The following HSD11B1 variants were observed in gnomAD, a reference collection of about 807,000 sequenced individuals.
HSD11B1 encodes the protein hydroxysteroid 11-beta dehydrogenase 1.
HSD11B1 carries 15 observed loss-of-function variants against 22.1 expected under a neutral mutation model. The ratio of observed to expected loss-of-function variants is 0.68; its 90% confidence interval spans 0.45 to 1.04. The LOEUF (loss-of-function observed/expected upper bound fraction) is 1.04, where lower values mean the gene tolerates loss of function less well. Ranked by LOEUF, HSD11B1 falls within the 50% of genes least tolerant of loss-of-function variation. The pLI, the probability that HSD11B1 is intolerant of heterozygous loss-of-function variation, is 0.00. For synonymous variants in HSD11B1, 122 were observed against 125.2 expected (o/e 0.97, Z 0.17); for missense variants, 281 against 357.6 (o/e 0.79, Z 1.73).
chr1:209,712,351 A>AT (rs1274161110), intron 4 of HSD11B1, among the ~76,000 whole-genome samples: 3 of 152,222 alleles, frequency 2.0e-5, no homozygotes, highest in Non-Finnish European at 2.9e-5. Flanking sequence ...TCAAAAAAAA[A>AT]TGGGGGGAAA....
chr1:209,689,551 G>A (rs1215056150), intron 1 of HSD11B1, among the ~76,000 whole-genome samples: 7 of 152,314 alleles, frequency 4.6e-5, no homozygotes, highest in East Asian at 3.9e-4. Context: ...TGTTTGAGTC[G>A]TGGGGGTGAA....
At chr1:209,705,703 A>G in intron 1 of HSD11B1, 108 bp from the exon 2 acceptor site, 1 of 1,389,892 alleles carries the variant, frequency 7.2e-7, no homozygotes, top group East Asian at 2.3e-5. Context: ...ATCTGGGCTC[A>G]TAACCTTTAA....
At chr1:209,707,854 A>T (rs1170062939) in intron 4 of HSD11B1, among the ~76,000 whole-genome samples, 1 of 152,202 alleles carries the variant, frequency 6.6e-6, no homozygotes, top group Non-Finnish European at 1.5e-5. Flanking sequence ...ACAACTGAGA[A>T]GTTAACTGTT....
chr1:209,699,166 C>G (rs767433100), intron 1 of HSD11B1, among the ~76,000 whole-genome samples: 5 of 151,210 alleles, frequency 3.3e-5, no homozygotes, highest in Non-Finnish European at 7.4e-5. Flanking sequence ...AATGATAGTT[C>G]TTTCTATAGA....
intron 1 of HSD11B1, among the ~76,000 whole-genome samples, chr1:209,692,427 G>A (rs961300820): frequency 6.6e-6 from 1 of 152,124 alleles, no homozygotes; most frequent in Non-Finnish European, 1.5e-5. Context: ...CAAAGAGCAG[G>A]ATGGTGACTG....
chr1:209,703,348 G>A (rs2076835976), upstream of HSD11B1, among the ~76,000 whole-genome samples: 1 of 152,106 alleles, frequency 6.6e-6, no homozygotes, highest in Non-Finnish European at 1.5e-5. Flanking sequence ...CTCTAGGGAT[G>A]AAAATGGAGT....
At chr1:209,705,594 A>T (rs2076852766) in intron 1 of HSD11B1, among the ~76,000 whole-genome samples, 1 of 152,180 alleles carries the variant, frequency 6.6e-6, no homozygotes, top group South Asian at 2.1e-4. Context: ...TTTAGAAATG[A>T]CAGTAGGGAG....
Position 209,725,970 on chromosome 1 carries a change from C to T in HSD11B1, c.518-6466C>T, listed in dbSNP as rs78794999. Among the ~76,000 whole-genome samples the T allele has an allele frequency of 8.4e-3, 1,278 of 152,278 alleles. 12 individuals are homozygous for T. The highest frequency in any genetic ancestry group is 0.028 in the African/African-American group (1,162 of 41,556). Reference sequence around the variant, plus strand: ...CAGTGCACCTCATGCATAGTCTTCACAATAAAGGCTAATCGTTTTTCAGTA... The same window carrying T: ...CAGTGCACCTCATGCATAGTCTTCATAATAAAGGCTAATCGTTTTTCAGTA... On this transcript the variant is annotated intron_variant, in intron 4 of 5. Transcript: ENST00000367027.
chr1:209,687,403 G>C (rs2076734658), intron 1 of HSD11B1, among the ~76,000 whole-genome samples: 1 of 152,198 alleles, frequency 6.6e-6, no homozygotes, highest in Non-Finnish European at 1.5e-5. Context: ...GCCAAGGTTT[G>C]AAAGGAACTG....
At chr1:209,705,683 T>C in intron 1 of HSD11B1, 128 bp from the exon 2 acceptor site, 2 of 1,176,266 alleles carry the variant, frequency 1.7e-6, no homozygotes, top group Non-Finnish European at 2.5e-6. Flanking sequence ...ACGGAGTTTG[T>C]GACAAACTGA....
chr1:209,726,691 T>C (rs765506158), intron 4 of HSD11B1, among the ~76,000 whole-genome samples: 8 of 152,246 alleles, frequency 5.3e-5, no homozygotes, highest in Non-Finnish European at 1.0e-4. Context: ...ACTTCTCTCC[T>C]TTCTTCTGCT....
chr1:209,712,297 C>T (rs966912483), intron 4 of HSD11B1, among the ~76,000 whole-genome samples: 3 of 152,124 alleles, frequency 2.0e-5, no homozygotes, highest in Non-Finnish European at 4.4e-5. Flanking sequence ...AGCCAGCACT[C>T]TGCATGCCTG....
intron 4 of HSD11B1, among the ~76,000 whole-genome samples, chr1:209,718,722 T>G (rs2076945494): frequency 6.6e-6 from 1 of 152,108 alleles, no homozygotes; most frequent in Non-Finnish European, 1.5e-5. Flanking sequence ...ATTCTATTTC[T>G]GGGTATATAC....
At chr1:209,732,841 G>A (rs184698623) in intron 5 of HSD11B1, among the ~76,000 whole-genome samples, 12 of 151,084 alleles carry the variant, frequency 7.9e-5, no homozygotes, top group African/African-American at 2.7e-4. Context: ...GAGAACATGC[G>A]ATGTTTGGTT....
chr1:209,713,007 C>A (rs1423692887), intron 4 of HSD11B1, among the ~76,000 whole-genome samples: 2 of 152,130 alleles, frequency 1.3e-5, no homozygotes, highest in African/African-American at 4.8e-5. Context: ...CGAGATCGCA[C>A]CACTGCACTC....
chr1:209,694,497 G>C (rs1277200693), intron 1 of HSD11B1, among the ~76,000 whole-genome samples: 1 of 152,218 alleles, frequency 6.6e-6, no homozygotes, highest in Admixed American at 6.5e-5. Context: ...TTGAAGAGCA[G>C]TACCTGAATG....
intron 1 of HSD11B1, among the ~76,000 whole-genome samples, chr1:209,697,884 C>CTTTTTGTT (rs2076800559): frequency 4.8e-5 from 2 of 41,586 alleles, no homozygotes; most frequent in Non-Finnish European, 8.9e-5. Context: ...TTGTTTTTTC[C>CTTTTTGTT]TTTTTTTTTT....
chr1:209,710,850 A>C (rs931429002), intron 4 of HSD11B1, among the ~76,000 whole-genome samples: 1 of 152,196 alleles, frequency 6.6e-6, no homozygotes, highest in African/African-American at 2.4e-5. Flanking sequence ...ACTTTTCTCC[A>C]AGTAAATCTT....
chr1:209,698,319 G>A (rs2076805917), intron 1 of HSD11B1, among the ~76,000 whole-genome samples: 1 of 152,108 alleles, frequency 6.6e-6, no homozygotes, highest in Admixed American at 6.6e-5. Context: ...AGATTTAACT[G>A]GGCATTCTGT....
Sources: gnomAD v4.1 joint callset for allele counts (sites outside exome capture counted in the v4.1 genomes callset) on GRCh38, gnomAD v4.1.1 for gene constraint, MANE v1.5 for transcripts, NCBI Gene and HGNC (gene_info 2026-07-23, HGNC 2026-07-21) for gene names.